Variants in DUSP16 observed in about 807,000 individuals in gnomAD.
DUSP16 encodes the protein dual specificity protein phosphatase 16.
A neutral mutation model predicts 58.3 loss-of-function variants in DUSP16; 21 were observed. That is an observed-to-expected ratio of 0.36 (90% CI 0.26 to 0.52). DUSP16 has a LOEUF of 0.52. Ranked by LOEUF, DUSP16 falls within the 20% of genes least tolerant of loss-of-function variation. The pLI, the probability that DUSP16 is intolerant of heterozygous loss-of-function variation, is 0.94. For missense variants in DUSP16, 726 were observed against 819.0 expected, an observed-to-expected ratio of 0.89 and a Z score of 1.39; for synonymous variants, 320 against 323.8, an observed-to-expected ratio of 0.99 and a Z score of 0.12.
rs140451881 is a variant in DUSP16 at position 12,490,645 on chromosome 12, CTG to C, written c.532-3460_532-3459del. Among the ~76,000 whole-genome samples, 1,292 of 152,286 alleles carry C rather than the reference CTG, an allele frequency of 8.5e-3. 21 individuals are homozygous for C. The highest frequency in any genetic ancestry group is 0.029 in the African/African-American group (1,208 of 41,542). On this transcript the variant is annotated intron_variant, in intron 4 of 6. Transcript: ENST00000298573. Reference sequence around the variant, plus strand: ...GCTTCTTGTTTTCTAGGTTAGCTGACTGGAGTTCGTAAGCAAATCACACCTAA... The same window carrying C: ...GCTTCTTGTTTTCTAGGTTAGCTGACGAGTTCGTAAGCAAATCACACCTAA...
chr12:12,509,484 GA>G (rs201749265), intron 3 of DUSP16, among the ~76,000 whole-genome samples: 9,640 of 139,332 alleles, frequency 0.069, 427 homozygotes, highest in East Asian at 0.19. Flanking sequence ...TGCGTTTAAA[GA>G]AAAAAAAAAA....
At position 12,500,888 on chromosome 12, in the gene DUSP16, G is replaced by A. The variant is rs371006950; in HGVS notation, c.368-206C>T. Among the ~76,000 whole-genome samples the A allele has an allele frequency of 9.2e-5, 14 of 152,290 alleles. No homozygotes were observed. In the East Asian group the frequency reaches 1.5e-3, roughly 17 times the overall value. ...ATAACGCTACCATGGGGATAGGCAAGTCCTGAAGGCACTTATAATGAATGA... is the reference window on the plus strand; with the variant it reads ...ATAACGCTACCATGGGGATAGGCAAATCCTGAAGGCACTTATAATGAATGA... On this transcript the variant is annotated intron_variant, in intron 3 of 6. Coordinates refer to ENST00000298573, the MANE Select transcript of DUSP16 (RefSeq NM_030640.3).
Position 12,555,906 on chromosome 12 carries a change from T to C in DUSP16, c.-366+6211A>G, listed in dbSNP as rs184177882. Among the ~76,000 whole-genome samples the C allele has an allele frequency of 7.6e-4, 115 of 152,252 alleles. 2 individuals carry two copies. The South Asian group carries it at 0.021, about 27-fold the overall frequency. On this transcript the variant is annotated intron_variant, in intron 1 of 6. Coordinates refer to ENST00000298573, the MANE Select transcript of DUSP16 (RefSeq NM_030640.3). ...AAAATAAAAAATTAGCTAGGTATAG[T>C]TGCACATGCCTATAGTCCTAGCTAT...
At chr12:12,510,176 C>T (rs1370771213) in intron 3 of DUSP16, among the ~76,000 whole-genome samples, 4 of 152,020 alleles carry the variant, frequency 2.6e-5, no homozygotes, top group African/African-American at 4.8e-5. Context: ...CCATAGGAAA[C>T]CAATGAGACA....
At chr12:12,530,174 C>T (rs553639878) in intron 1 of DUSP16, among the ~76,000 whole-genome samples, 5 of 152,198 alleles carry the variant, frequency 3.3e-5, no homozygotes, top group Non-Finnish European at 7.3e-5. Context: ...CTTACCAACA[C>T]TGATCTTCTG....
In DUSP16 at chr12:12,480,738, A is replaced by G. The variant is rs73289695; in HGVS notation, c.692-392T>C. On this transcript the variant is annotated intron_variant, in intron 5 of 6. Coordinates refer to ENST00000298573, the MANE Select transcript of DUSP16 (RefSeq NM_030640.3). Reference sequence around the variant, plus strand: ...TACATTTTTTAAAATCATTATTACTATTTTGAGATAGAGTCTTGCTCTGTC... The same window carrying G: ...TACATTTTTTAAAATCATTATTACTGTTTTGAGATAGAGTCTTGCTCTGTC... Among the ~76,000 whole-genome samples, 442 of 152,244 alleles carry G rather than the reference A, an allele frequency of 2.9e-3. 2 individuals are homozygous for G. Among genetic ancestry groups the G allele is most frequent in the African/African-American group, 0.01 (420 of 41,534 alleles).
intron 6 of DUSP16, among the ~76,000 whole-genome samples, chr12:12,478,282 C>T (rs1338230484): frequency 1.3e-5 from 2 of 151,762 alleles, no homozygotes; most frequent in Non-Finnish European, 2.9e-5. Flanking sequence ...TTCAAAGGCC[C>T]AGGGCTCCCA....
At chr12:12,557,191 C>T (rs1440003355) in intron 1 of DUSP16, among the ~76,000 whole-genome samples, 3 of 152,116 alleles carry the variant, frequency 2.0e-5, no homozygotes, top group Non-Finnish European at 2.9e-5. Flanking sequence ...TGTGGTGGCT[C>T]ACACCTGTAA....
At chr12:12,520,725 T>G (rs998200746) in intron 2 of DUSP16, 146 bp downstream of exon 2, 57 of 766,154 alleles carry the variant, frequency 7.4e-5, no homozygotes, top group Admixed American at 1.5e-4. Flanking sequence ...ATAAATTATT[T>G]TGAGGTACCA....
intron 5 of DUSP16, among the ~76,000 whole-genome samples, chr12:12,480,996 G>A (rs993236694): frequency 6.6e-6 from 1 of 152,186 alleles, no homozygotes; most frequent in South Asian, 2.1e-4. Flanking sequence ...TGGGATTACA[G>A]GAGTGAGCCA....
chr12:12,508,900 G>A (rs1944035824), intron 3 of DUSP16, among the ~76,000 whole-genome samples: 1 of 152,146 alleles, frequency 6.6e-6, no homozygotes, highest in Non-Finnish European at 1.5e-5. Flanking sequence ...CTAAAATTAT[G>A]CAACTTATAA....
At chr12:12,558,595 G>GT (rs1290045474) in intron 1 of DUSP16, among the ~76,000 whole-genome samples, 1 of 152,094 alleles carries the variant, frequency 6.6e-6, no homozygotes, top group African/African-American at 2.4e-5. Flanking sequence ...TGCCAGGGCT[G>GT]TTCTCAACAC....
rs1943355784 is a variant in DUSP16 at position 12,473,532 on chromosome 12, G to T, written c.*3301C>A. ...CTATCTCACTTCCACCTCTTTTTCT[G>T]CAGGGTCCTGGCCAAGATAGCTCTT... On this transcript the variant is annotated 3_prime_UTR_variant, in exon 7 of 7. Transcript: ENST00000298573. Among the ~76,000 whole-genome samples the T allele has an allele frequency of 6.6e-6, 1 of 152,026 alleles. No individual in the cohort carries two copies. Among genetic ancestry groups the T allele is most frequent in the South Asian group, 2.1e-4 (1 of 4,824 alleles).
At chr12:12,485,136 A>G (rs996276358) in intron 5 of DUSP16, among the ~76,000 whole-genome samples, 7 of 151,724 alleles carry the variant, frequency 4.6e-5, no homozygotes, top group African/African-American at 1.2e-4. Flanking sequence ...CAGCTTCCCA[A>G]GTAGCTGGGA....
At chr12:12,540,912 A>C (rs1156553158) in intron 1 of DUSP16, among the ~76,000 whole-genome samples, 1 of 144,544 alleles carries the variant, frequency 6.9e-6, no homozygotes, top group African/African-American at 2.6e-5. Context: ...TTTCTTCAGG[A>C]GGCAGACAGT....
In DUSP16 at chr12:12,477,651, T is replaced by C; in HGVS notation, c.1180A>G (p.Asn394Asp). ...AGAGAGAAGGAACGCTTGAGCTTAT[T>C]GCTGTCTTCCAGCCTGTCTGCGGAC... ...HLSADRLEDS[N>D]KLKRSFSLDI... is the part of the protein sequence containing the mutation. The change falls in exon 7 of 7, where the codon AAT (asparagine) becomes GAT (aspartate). Residue 394 changes from asparagine to aspartate, a missense_variant. By Grantham distance (23) the Asn-to-Asp change is conservative (BLOSUM62 1). Transcript: ENST00000298573. This position sits in a 1 kb window ranked among gnomAD's most constrained non-coding sequence, Gnocchi z 4.1. The C allele has an allele frequency of 6.2e-7, 1 of 1,614,238 alleles. No homozygotes were observed. The highest frequency in any genetic ancestry group is 1.1e-5 in the South Asian group (1 of 91,088).
chr12:12,474,253 T>C lies in DUSP16; in HGVS notation c.*2580A>G, dbSNP rs1179094096. On this transcript the variant is annotated 3_prime_UTR_variant, in exon 7 of 7. Coordinates refer to ENST00000298573, the MANE Select transcript of DUSP16 (RefSeq NM_030640.3). ...TAAACAGGTACCAGTTTTGATTTTA[T>C]TTAATCATTTCATACATTAACATAC... 1 of 150,776 alleles carries C rather than the reference T, an allele frequency of 6.6e-6. No individual in the cohort carries two copies. Among genetic ancestry groups the C allele is most frequent in the Non-Finnish European group, 1.5e-5 (1 of 68,028 alleles). 9.3% of individuals were successfully genotyped at this position (150,776 alleles called of 1,614,324 possible).
intron 1 of DUSP16, among the ~76,000 whole-genome samples, chr12:12,529,305 T>C (rs1166684891): frequency 6.6e-6 from 1 of 152,204 alleles, no homozygotes; most frequent in Non-Finnish European, 1.5e-5. Context: ...AGACGGGGTC[T>C]CACTGTGTTG....
Position 12,485,592 on chromosome 12 carries a change from A to G in DUSP16, c.691+1436T>C, listed in dbSNP as rs141585081. Among the ~76,000 whole-genome samples the G allele has an allele frequency of 5.2e-3, 784 of 152,082 alleles. 8 individuals are homozygous for G. Among genetic ancestry groups the G allele is most frequent in the African/African-American group, 0.017 (713 of 41,466 alleles). On this transcript the variant is annotated intron_variant, in intron 5 of 6. Coordinates refer to ENST00000298573, the MANE Select transcript of DUSP16 (RefSeq NM_030640.3). ...AGTGGCACAATCTCAGCTCACTGCA[A>G]CCTCCGCCTCCTGGCTCAAGCAATC...
Sources: allele counts gnomAD v4.1 joint callset (sites outside exome capture counted in the v4.1 genomes callset), GRCh38; gene constraint gnomAD v4.1.1; non-coding constraint Gnocchi (gnomAD v3.1); transcripts MANE v1.5; gene names NCBI Gene and HGNC (gene_info 2026-07-23, HGNC 2026-07-21).